Variants in TMEM178B observed in about 807,000 individuals in gnomAD.
The protein encoded by TMEM178B is transmembrane protein 178B.
TMEM178B carries 5 observed loss-of-function variants against 31.0 expected under a neutral mutation model. That is an observed-to-expected ratio of 0.16 (90% CI 0.08 to 0.34). The LOEUF (loss-of-function observed/expected upper bound fraction) is 0.34, where lower values mean the gene tolerates loss of function less well. TMEM178B is among the 10% of genes least tolerant of loss of function. TMEM178B has a pLI of 1.00. For synonymous variants in TMEM178B, 164 were observed against 164.0 expected (o/e 1.00, Z 0.00); for missense variants, 275 against 400.3 (o/e 0.69, Z 2.67).
At chr7:141,463,597 G>A (rs947523612) in intron 3 of TMEM178B, among the ~76,000 whole-genome samples, 2 of 152,254 alleles carry the variant, frequency 1.3e-5, no homozygotes, top group African/African-American at 2.4e-5. Context: ...ATGGATCAGG[G>A]TTTGAAAACC....
chr7:141,229,990 T>C (rs1321455926), intron 2 of TMEM178B, among the ~76,000 whole-genome samples: 2 of 152,208 alleles, frequency 1.3e-5, no homozygotes, highest in African/African-American at 2.4e-5. Flanking sequence ...GTATCCCAAA[T>C]TTTGTTCATA....
At chr7:141,373,122 G>A (rs149549570) in intron 2 of TMEM178B, among the ~76,000 whole-genome samples, 31 of 152,192 alleles carry the variant, frequency 2.0e-4, no homozygotes, top group African/African-American at 7.2e-4. Flanking sequence ...TTCCCCTCAG[G>A]ACTTCAATGA....
At position 141,344,583 on chromosome 7, in the gene TMEM178B, CCTTCCTTCCTT is replaced by C. The variant is rs1799579832; in HGVS notation, c.497-93023_497-93013del. On this transcript the variant is annotated intron_variant, in intron 2 of 3. Coordinates refer to ENST00000565468, the MANE Select transcript of TMEM178B (RefSeq NM_001195278.2). This position sits in a 1 kb window ranked among gnomAD's most constrained non-coding sequence, Gnocchi z 4.1. ...TCCATTCCTCCCTCCTCCCTTCCTT[CCTTCCTTCCTT>C]CCTTCCTTCCTTCCTTCCTTCCTTC... 4.7e-5 allele frequency among the ~76,000 whole-genome samples: 4 copies of C among 84,588 alleles called. No homozygotes were observed. Among genetic ancestry groups the C allele is most frequent in the African/African-American group, 1.8e-4 (3 of 16,540 alleles). 55.5% of individuals were successfully genotyped at this position (84,588 alleles called of 152,430 possible).
intron 2 of TMEM178B, among the ~76,000 whole-genome samples, chr7:141,294,776 A>T (rs572335511): frequency 6.6e-6 from 1 of 152,182 alleles, no homozygotes; most frequent in Admixed American, 6.5e-5. Context: ...CATCCTGAAC[A>T]TTATTCACTT....
chr7:141,370,073 G>A (rs1800086803), intron 2 of TMEM178B, among the ~76,000 whole-genome samples: 1 of 152,148 alleles, frequency 6.6e-6, no homozygotes, highest in Non-Finnish European at 1.5e-5. Flanking sequence ...CCTGCCCCAG[G>A]TAGGAGGGTC....
At chr7:141,424,483 G>A (rs1035355777) in intron 2 of TMEM178B, among the ~76,000 whole-genome samples, 3 of 152,188 alleles carry the variant, frequency 2.0e-5, no homozygotes, top group Admixed American at 6.5e-5. Context: ...AAACTTATGA[G>A]ACGCAATCGG....
At chr7:141,301,711 T>C (rs1798729566) in intron 2 of TMEM178B, among the ~76,000 whole-genome samples, 2 of 152,330 alleles carry the variant, frequency 1.3e-5, no homozygotes, top group Admixed American at 1.3e-4. Context: ...GTTGGCCTCT[T>C]TTCCTGTGGT....
At position 141,134,859 on chromosome 7, in the gene TMEM178B, T is replaced by C. The variant is rs531106530; in HGVS notation, c.382+60167T>C. ...TCCATGCTGATATGGTTTTGTTCTG[T>C]GTCCCCACCCAAATCTCATCTTATA... On this transcript the variant is annotated intron_variant, in intron 1 of 3. Coordinates refer to ENST00000565468, the MANE Select transcript of TMEM178B (RefSeq NM_001195278.2). Among the ~76,000 whole-genome samples the C allele has an allele frequency of 1.1e-4, 17 of 152,330 alleles. No individual in the cohort carries two copies. In the East Asian group the frequency reaches 3.3e-3, roughly 29 times the overall value.
At chr7:141,356,643 G>A (rs1799824406) in intron 2 of TMEM178B, among the ~76,000 whole-genome samples, 1 of 150,602 alleles carries the variant, frequency 6.6e-6, no homozygotes, top group Non-Finnish European at 1.5e-5. Context: ...CATAGTTGCG[G>A]GGTTGGGCGG....
rs1799855784 is a variant in TMEM178B, at chr7:141,358,254, CA to C, written c.497-79353del. 2.6e-5 allele frequency among the ~76,000 whole-genome samples: 4 copies of C among 152,258 alleles called. No homozygotes were observed. The South Asian group carries it at 8.3e-4, about 32-fold the overall frequency. On this transcript the variant is annotated intron_variant, in intron 2 of 3. Coordinates refer to ENST00000565468, the MANE Select transcript of TMEM178B (RefSeq NM_001195278.2). ...CTAATTTCACATGGGAAGTTGTTAT[CA>C]TTTATATTGAAATGCATTGCCTTGC...
At chr7:141,342,096 C>T (rs1799525479) in intron 2 of TMEM178B, among the ~76,000 whole-genome samples, 1 of 152,072 alleles carries the variant, frequency 6.6e-6, no homozygotes, top group African/African-American at 2.4e-5. Context: ...TACAGGTGTG[C>T]ACCACCACAC....
intron 1 of TMEM178B, among the ~76,000 whole-genome samples, chr7:141,117,725 T>A (rs1795342110): frequency 1.3e-5 from 2 of 152,254 alleles, no homozygotes; most frequent in Non-Finnish European, 2.9e-5. Flanking sequence ...GTATTCTGCA[T>A]ATGGCTAGCC....
intron 1 of TMEM178B, among the ~76,000 whole-genome samples, chr7:141,205,696 G>A (rs769601618): frequency 7.2e-5 from 11 of 152,218 alleles, no homozygotes; most frequent in Non-Finnish European, 1.6e-4. Flanking sequence ...GCTGAACTTA[G>A]GTCCCAGCAC....
At chr7:141,148,947 G>T (rs1795905697) in intron 1 of TMEM178B, among the ~76,000 whole-genome samples, 1 of 152,204 alleles carries the variant, frequency 6.6e-6, no homozygotes, top group South Asian at 2.1e-4. Flanking sequence ...CACTTGGGTG[G>T]TCCTTAGCTT....
At chr7:141,203,660 T>C (rs569651335) in intron 1 of TMEM178B, among the ~76,000 whole-genome samples, 1 of 152,232 alleles carries the variant, frequency 6.6e-6, no homozygotes, top group Admixed American at 6.5e-5. Context: ...CATACCTGGG[T>C]TAGTAAGGCC....
At chr7:141,341,654 G>T (rs1017397250) in intron 2 of TMEM178B, among the ~76,000 whole-genome samples, 8 of 152,050 alleles carry the variant, frequency 5.3e-5, no homozygotes, top group African/African-American at 1.9e-4. Flanking sequence ...ACCACTAAGG[G>T]CTCTGCCAAC....
chr7:141,195,179 T>C (rs1796762344), intron 1 of TMEM178B, among the ~76,000 whole-genome samples: 1 of 152,234 alleles, frequency 6.6e-6, no homozygotes, highest in Non-Finnish European at 1.5e-5. Context: ...TTTATGCACA[T>C]TTCTGCAGCT....
chr7:141,355,229 T>C (rs1009059613), intron 2 of TMEM178B, among the ~76,000 whole-genome samples: 11 of 152,166 alleles, frequency 7.2e-5, no homozygotes, highest in Admixed American at 3.9e-4. Context: ...GCTAATATTG[T>C]CAGGGCTTTG....
At chr7:141,280,516 A>G (rs1265287906) in intron 2 of TMEM178B, among the ~76,000 whole-genome samples, 1 of 152,106 alleles carries the variant, frequency 6.6e-6, no homozygotes, top group Non-Finnish European at 1.5e-5. Context: ...GCTGTGTGAG[A>G]CGTGCCTTTC....
Sources: allele counts gnomAD v4.1 joint callset (sites outside exome capture counted in the v4.1 genomes callset), GRCh38; gene constraint gnomAD v4.1.1; non-coding constraint Gnocchi (gnomAD v3.1); transcripts MANE v1.5; gene names NCBI Gene and HGNC (gene_info 2026-07-23, HGNC 2026-07-21).